The following ASB1 variants were observed in gnomAD, a reference collection of about 807,000 sequenced individuals.
The protein encoded by ASB1 is ankyrin repeat and SOCS box containing 1.
A neutral mutation model predicts 27.7 loss-of-function variants in ASB1; 18 were observed. The ratio of observed to expected loss-of-function variants is 0.65; its 90% CI spans 0.45 to 0.96. ASB1 has a LOEUF of 0.96. Ranked by LOEUF, ASB1 falls within the 50% of genes least tolerant of loss-of-function variation. ASB1 has a pLI of 0.00. For missense variants in ASB1, 397 were observed against 451.7 expected (o/e 0.88, Z 1.10); for synonymous variants, 189 against 187.6 (o/e 1.01, Z -0.06).
intron 4 of ASB1, among the ~76,000 whole-genome samples, chr2:238,445,630 C>T (rs1702165456): frequency 6.6e-6 from 1 of 152,182 alleles, no homozygotes; most frequent in Non-Finnish European, 1.5e-5. Flanking sequence ...TGTCTTTAAC[C>T]TCCTGCCCAC....
intron 1 of ASB1, among the ~76,000 whole-genome samples, chr2:238,430,088 G>A (rs780203763): frequency 6.6e-6 from 1 of 152,342 alleles, no homozygotes; most frequent in South Asian, 2.1e-4. Flanking sequence ...TCTTGCTCCA[G>A]TATTGATGGC....
Position 238,448,459 on chromosome 2 carries a change from C to T in ASB1, c.*1948C>T, listed in dbSNP as rs928337657. 1 of 152,240 alleles carries T rather than the reference C, an allele frequency of 6.6e-6. No homozygotes were observed. The highest frequency in any genetic ancestry group is 1.9e-4 in the East Asian group (1 of 5,186). The allele number at this position is 152,240 out of a possible 1,614,324, so 9.4% of individuals were successfully genotyped here. A position where few individuals can be genotyped will look rare whatever the true frequency, so the allele number is the denominator to read the frequency against. On this transcript the variant is annotated 3_prime_UTR_variant, in exon 5 of 5. Coordinates refer to ENST00000264607, the MANE Select transcript of ASB1 (RefSeq NM_001040445.3). ...CTGGTTAGCTCCCTGCACTCTGGCT[C>T]TTTACTGGCTTACTGTTTAGCTCCT...
chr2:238,444,480 C>A lies in ASB1; in HGVS notation c.633C>A (p.Leu211=). Residue 211 remains leucine, a synonymous_variant, in exon 4 of 5, where the codon CTC becomes CTA. Transcript: ENST00000264607. ...ACAACCTCCAGTGCTTCCGGCTGCT[C>A]CTCCTGGCTGGCGCGAACCCTGACT... ...AYHNLQCFRL[L]LLAGANPDFN... 1 of 1,614,216 alleles carries A rather than the reference C, an allele frequency of 6.2e-7. No homozygotes were observed. Among genetic ancestry groups the A allele is most frequent in the African/African-American group, 1.3e-5 (1 of 75,052 alleles).
chr2:238,428,745 C>T (rs1008880423), intron 1 of ASB1, among the ~76,000 whole-genome samples: 2 of 152,154 alleles, frequency 1.3e-5, no homozygotes, highest in Non-Finnish European at 2.9e-5. Flanking sequence ...CAGCGAAACA[C>T]AAACTTGAAG....
intron 3 of ASB1, among the ~76,000 whole-genome samples, chr2:238,438,714 T>C (rs1290612360): frequency 2.0e-5 from 3 of 152,248 alleles, no homozygotes; most frequent in Non-Finnish European, 4.4e-5. Context: ...AGCTTCTGCC[T>C]TCCCTGTGCC....
Position 238,444,447 on chromosome 2 carries a change from A to G in ASB1, c.600A>G (p.Ala200=), listed in dbSNP as rs1475214587. ...SLVVCPLYIS[A]AYHNLQCFRL... The stretch of plus-strand genomic sequence containing the variant: ...TGGTCTGCCCCTTGTACATCAGCGC[A>G]GCCTACCACAACCTCCAGTGCTTCC... Residue 200 remains alanine, a synonymous_variant, in exon 4 of 5, where the codon GCA becomes GCG. Transcript: ENST00000264607. 1 of 1,614,176 alleles carries G rather than the reference A, an allele frequency of 6.2e-7. No individual in the cohort carries two copies. The highest frequency in any genetic ancestry group is 2.2e-5 in the East Asian group (1 of 44,882).
At chr2:238,431,075 C>T (rs531157612) in intron 1 of ASB1, among the ~76,000 whole-genome samples, 2 of 152,350 alleles carry the variant, frequency 1.3e-5, no homozygotes, top group Admixed American at 1.3e-4. Flanking sequence ...GCATTGCCTT[C>T]TCCTCTCTAG....
intron 4 of ASB1, among the ~76,000 whole-genome samples, chr2:238,445,648 C>T (rs1366923863): frequency 6.6e-6 from 1 of 152,176 alleles, no homozygotes; most frequent in African/African-American, 2.4e-5. Context: ...CACATGTCAC[C>T]CCCTCCCACC....
intron 3 of ASB1, among the ~76,000 whole-genome samples, chr2:238,437,635 C>G (rs1428683341): frequency 1.3e-5 from 2 of 151,310 alleles, no homozygotes; most frequent in Non-Finnish European, 2.9e-5. Context: ...AGCAAAGATG[C>G]TTTTTTCCCT....
intron 1 of ASB1, among the ~76,000 whole-genome samples, chr2:238,429,045 C>T (rs556363938): frequency 1.3e-5 from 2 of 152,250 alleles, no homozygotes; most frequent in East Asian, 1.9e-4. Flanking sequence ...TGTTGATCTG[C>T]GGCGAGTCTG....
chr2:238,436,670 A>C (rs903702225), intron 3 of ASB1, among the ~76,000 whole-genome samples: 3 of 151,800 alleles, frequency 2.0e-5, no homozygotes, highest in African/African-American at 7.3e-5. Flanking sequence ...GCTTCTTCTT[A>C]TTTTTTAATG....
Position 238,446,377 on chromosome 2 carries a change from C to T in ASB1, c.881-7C>T. 1 of 1,592,690 alleles carries T rather than the reference C, an allele frequency of 6.3e-7. No homozygotes were observed. Among genetic ancestry groups the T allele is most frequent in the Non-Finnish European group, 8.5e-7 (1 of 1,170,486 alleles). ...TCTATCCCTCTCTTTCTTCCCACGGCCTTCAGGTGTTCCCAGAACCTTGCT... is the reference window on the plus strand; with the variant it reads ...TCTATCCCTCTCTTTCTTCCCACGGTCTTCAGGTGTTCCCAGAACCTTGCT... On this transcript the variant is annotated splice_polypyrimidine_tract_variant and splice_region_variant and intron_variant, in intron 4 of 4. Transcript: ENST00000264607.
chr2:238,445,050 T>C (rs1189841174), intron 4 of ASB1, among the ~76,000 whole-genome samples: 1 of 147,868 alleles, frequency 6.8e-6, no homozygotes, highest in Non-Finnish European at 1.5e-5. Context: ...GGTGCAGTCA[T>C]GGCTCCCTGT....
In ASB1 at chr2:238,451,185, A is replaced by C. The variant is rs1010631919; in HGVS notation, c.*4674A>C. The C allele has an allele frequency of 5.3e-5, 8 of 152,292 alleles. No homozygotes were observed. Among genetic ancestry groups the C allele is most frequent in the African/African-American group, 1.9e-4 (8 of 41,454 alleles). The allele number at this position is 152,292 out of a possible 1,614,324, so 9.4% of individuals were successfully genotyped here. On this transcript the variant is annotated 3_prime_UTR_variant, in exon 5 of 5. Coordinates refer to ENST00000264607, the MANE Select transcript of ASB1 (RefSeq NM_001040445.3). ...GAGGAATGTGCAGATTTTGAAGTGT[A>C]CAGTGATGTGTGGAATAAATACTAG...
chr2:238,444,635 T>G lies in ASB1; in HGVS notation c.788T>G (p.Leu263Arg), dbSNP rs1375875585. The part of the protein sequence containing the change: ...VSLLVEFGAN[L>R]NLVKWESLGP... ...CTGCTGGTAGAATTTGGAGCCAACC[T>G]GAATCTAGTGAAGTGGGAATCGCTG... The change falls in exon 4 of 5, where the codon CTG (leucine) becomes CGG (arginine). Residue 263 changes from leucine (L) to arginine (R), a missense_variant. Coordinates refer to ENST00000264607, the MANE Select transcript of ASB1 (RefSeq NM_001040445.3). 1 of 1,614,104 alleles carries G rather than the reference T, an allele frequency of 6.2e-7. No homozygotes were observed. Among genetic ancestry groups the G allele is most frequent in the Non-Finnish European group, 8.5e-7 (1 of 1,180,016 alleles).
rs144995011 is a variant in ASB1, at chr2:238,440,814, G to T, written c.495-3528G>T. ...CTTTGGTGGAGAATGAGGCTTCTAA[G>T]TCAGGTGGCTCCTACACCTGCCCTA... is the stretch of plus-strand genomic sequence containing the variant. On this transcript the variant is annotated intron_variant, in intron 3 of 4. Transcript: ENST00000264607. 1.2e-4 allele frequency among the ~76,000 whole-genome samples: 19 copies of T among 152,356 alleles called. No homozygotes were observed. In the East Asian group the frequency reaches 3.1e-3, roughly 25 times the overall value.
intron 3 of ASB1, among the ~76,000 whole-genome samples, chr2:238,438,285 C>T (rs1053944551): frequency 2.5e-4 from 35 of 142,272 alleles, no homozygotes; most frequent in Admixed American, 1.5e-4. Context: ...CTGCAATCTC[C>T]GCCTCCAGGG....
intron 2 of ASB1, among the ~76,000 whole-genome samples, chr2:238,434,217 C>G (rs1701924766): frequency 6.6e-6 from 1 of 152,236 alleles, no homozygotes; most frequent in African/African-American, 2.4e-5. Flanking sequence ...GTCCCCTGTC[C>G]TGGCCTTGCC....
intron 3 of ASB1, among the ~76,000 whole-genome samples, chr2:238,438,719 T>G (rs1418729917): frequency 1.3e-5 from 2 of 152,270 alleles, no homozygotes; most frequent in African/African-American, 4.8e-5. Flanking sequence ...CTGCCTTCCC[T>G]GTGCCAGTTC....
Sources: allele counts gnomAD v4.1 joint callset (sites outside exome capture counted in the v4.1 genomes callset), GRCh38; gene constraint gnomAD v4.1.1; transcripts MANE v1.5; gene names NCBI Gene and HGNC (gene_info 2026-07-23, HGNC 2026-07-21).